Variants in ENTREP2 observed in about 807,000 individuals in gnomAD.
ENTREP2 encodes the protein protein ENTREP2.
the ENTREP2 span, among the ~76,000 whole-genome samples, chr15:29,249,908 G>A: frequency 6.6e-6 from 1 of 152,044 alleles, no homozygotes; most frequent in Non-Finnish European, 1.5e-5. Flanking sequence ...GAGCCAGAGA[G>A]AAAGCAAGGA....
chr15:29,557,462 C>T, the ENTREP2 span, among the ~76,000 whole-genome samples: 1 of 152,274 alleles, frequency 6.6e-6, no homozygotes, highest in Non-Finnish European at 1.5e-5. Context: ...TGATCACAGG[C>T]CCCTCTCTCC....
chr15:29,489,705 G>A, the ENTREP2 span, among the ~76,000 whole-genome samples: 2 of 152,288 alleles, frequency 1.3e-5, no homozygotes, highest in African/African-American at 2.4e-5. Context: ...ATCAGAGCCT[G>A]CAGCTCTATG....
chr15:29,292,469 C>A, the ENTREP2 span, among the ~76,000 whole-genome samples: 5 of 152,090 alleles, frequency 3.3e-5, no homozygotes, highest in Non-Finnish European at 7.3e-5. Context: ...CAACCTCTGC[C>A]TCCTGGGTTC....
At chr15:29,241,503 CT>C in the ENTREP2 span, among the ~76,000 whole-genome samples, 2 of 152,068 alleles carry the variant, frequency 1.3e-5, no homozygotes, top group Non-Finnish European at 2.9e-5. Flanking sequence ...AGGAGGGAGA[CT>C]TTGTTTTGCT....
chr15:29,229,754 C>T, the ENTREP2 span, among the ~76,000 whole-genome samples: 1 of 152,164 alleles, frequency 6.6e-6, no homozygotes, highest in Non-Finnish European at 1.5e-5. Flanking sequence ...ATCCTTTTCT[C>T]TACTTGCTCC....
At chr15:29,382,487 C>T in the ENTREP2 span, among the ~76,000 whole-genome samples, 1 of 152,174 alleles carries the variant, frequency 6.6e-6, no homozygotes. Flanking sequence ...CCCACCTCAC[C>T]CGTACATAGG....
At chr15:29,297,873 T>C in the ENTREP2 span, among the ~76,000 whole-genome samples, 62 of 152,200 alleles carry the variant, frequency 4.1e-4, no homozygotes, top group Non-Finnish European at 6.5e-4. Flanking sequence ...AAAAAGACTT[T>C]AAAAAAATCC....
chr15:29,164,069 C>T, the ENTREP2 span, among the ~76,000 whole-genome samples: 1 of 152,122 alleles, frequency 6.6e-6, no homozygotes, highest in Admixed American at 6.5e-5. Context: ...CAAAACTAAG[C>T]ATCATATATG....
At chr15:29,126,521 G>A in the ENTREP2 span, 1 of 1,540,618 alleles carries the variant, frequency 6.5e-7, no homozygotes, top group Middle Eastern at 1.8e-4. Context: ...GCATTAGAGT[G>A]GGCGGCCGCA....
chr15:29,530,303 T>C, the ENTREP2 span, among the ~76,000 whole-genome samples: 1 of 152,146 alleles, frequency 6.6e-6, no homozygotes, highest in Non-Finnish European at 1.5e-5. Context: ...GTTGTCATAA[T>C]GGCTGTGTAG....
chr15:29,441,688 T>C, the ENTREP2 span, among the ~76,000 whole-genome samples: 2 of 152,142 alleles, frequency 1.3e-5, no homozygotes, highest in Non-Finnish European at 2.9e-5. Context: ...ACACAAGTAT[T>C]TACATGCATC....
the ENTREP2 span, among the ~76,000 whole-genome samples, chr15:29,486,191 A>ACACACAC: frequency 6.6e-4 from 80 of 120,472 alleles, no homozygotes; most frequent in African/African-American, 2.2e-3. Context: ...CACACACACA[A>ACACACAC]ACACACAATA....
the ENTREP2 span, among the ~76,000 whole-genome samples, chr15:29,402,292 T>TATTGTATTG: frequency 4.6e-5 from 6 of 131,700 alleles, no homozygotes; most frequent in Non-Finnish European, 8.2e-5. Flanking sequence ...GTATATTGTA[T>TATTGTATTG]TGTGTGTGTG....
the ENTREP2 span, among the ~76,000 whole-genome samples, chr15:29,391,073 C>T: frequency 1.6e-4 from 25 of 152,220 alleles, no homozygotes; most frequent in Admixed American, 2.0e-4. Flanking sequence ...CTTCCTACTT[C>T]ACCCTCCGTC....
At chr15:29,292,934 C>A in the ENTREP2 span, among the ~76,000 whole-genome samples, 44 of 152,150 alleles carry the variant, frequency 2.9e-4, no homozygotes, top group African/African-American at 1.0e-3. Context: ...AGATAAAAAT[C>A]AAAACTTATG....
the ENTREP2 span, among the ~76,000 whole-genome samples, chr15:29,208,425 T>C: frequency 2.0e-5 from 3 of 152,180 alleles, no homozygotes; most frequent in African/African-American, 7.2e-5. Flanking sequence ...GATCGAGAAA[T>C]GCTGGCAAAT....
chr15:29,595,648 T>A, the ENTREP2 span, among the ~76,000 whole-genome samples: 1 of 152,208 alleles, frequency 6.6e-6, no homozygotes, highest in South Asian at 2.1e-4. Context: ...GAAGTTCTTC[T>A]GCTCGGGTTT....
chr15:29,300,679 A>T, the ENTREP2 span, among the ~76,000 whole-genome samples: 4 of 151,944 alleles, frequency 2.6e-5, no homozygotes, highest in Admixed American at 2.0e-4. Context: ...GCTCACTGCA[A>T]CCTCCACCTC....
At chr15:29,158,074 C>T in the ENTREP2 span, among the ~76,000 whole-genome samples, 1 of 152,140 alleles carries the variant, frequency 6.6e-6, no homozygotes, top group Non-Finnish European at 1.5e-5. Flanking sequence ...TTTACTTTGT[C>T]CTCAATCTAG....
Sources: gnomAD v4.1 joint callset for allele counts (sites outside exome capture counted in the v4.1 genomes callset) on GRCh38, gnomAD v4.1.1 for gene constraint, MANE v1.5 for transcripts, NCBI Gene and HGNC (gene_info 2026-07-23, HGNC 2026-07-21) for gene names.